The following RAI1 variants were observed in gnomAD, a reference collection of about 807,000 sequenced individuals.
RAI1 encodes retinoic acid induced 1.
A neutral mutation model predicts 123.8 loss-of-function variants in RAI1; 9 were observed. The observed-to-expected ratio is 0.07, with a 90% CI of 0.04 to 0.13. The LOEUF (loss-of-function observed/expected upper bound fraction) is 0.13, where lower values mean the gene tolerates loss of function less well. Among genes scored for constraint, RAI1 ranks in the 10% least tolerant of loss-of-function variants. The probability of loss-of-function intolerance (pLI) is 1.00; values close to 1 mark genes in which losing one functional copy is unlikely to be tolerated. For missense variants in RAI1, 2,256 were observed against 2,545.8 expected, an observed-to-expected ratio of 0.89 and a Z score of 2.45; for synonymous variants, 1,231 against 1,127.3, an observed-to-expected ratio of 1.09 and a Z score of -1.84.
In RAI1 at chr17:17,795,880, A is replaced by G. The variant is rs1438551897; in HGVS notation, c.2932A>G (p.Lys978Glu). 1.9e-6 allele frequency: 3 copies of G among 1,612,404 alleles called. No homozygotes were observed. The highest frequency in any genetic ancestry group is 1.1e-5 in the South Asian group (1 of 91,090). ...CGCCTCTCTGGCCCAGAAGCCCAACAAGCCTGCTGTGCCCGAGGCGCCCAT... is the reference window on the plus strand; with the variant it reads ...CGCCTCTCTGGCCCAGAAGCCCAACGAGCCTGCTGTGCCCGAGGCGCCCAT... ...SDASLAQKPN[K>E]PAVPEAPIAK... Residue 978 changes from lysine (K) to glutamate (E), a missense_variant, in exon 3 of 6, where the codon AAG becomes GAG. By Grantham distance (56) the Lys-to-Glu change is moderately conservative. This residue lies in a region of RAI1 where 566 missense variants were observed against 616.0 expected (regional missense o/e 0.92). Transcript: ENST00000353383. This position sits in a 1 kb window ranked among gnomAD's most constrained non-coding sequence, Gnocchi z 5.9.
At chr17:17,756,743 G>C (rs2030453011) in intron 2 of RAI1, among the ~76,000 whole-genome samples, 1 of 152,228 alleles carries the variant, frequency 6.6e-6, no homozygotes, top group Admixed American at 6.5e-5. Context: ...TAGTGAAGCA[G>C]ACGCTTGAGT....
At chr17:17,688,727 G>A in intron 1 of RAI1, among the ~76,000 whole-genome samples, 1 of 151,706 alleles carries the variant, frequency 6.6e-6, no homozygotes. Flanking sequence ...AGCCTCCCGA[G>A]TAGCTGGGAC....
Position 17,809,234 on chromosome 17 carries a change from G to T in RAI1, c.5660-156G>T. On this transcript the variant is annotated intron_variant, in intron 4 of 5. Transcript: ENST00000353383. This position sits in a 1 kb window ranked among gnomAD's most constrained non-coding sequence, Gnocchi z 4.9. The stretch of plus-strand genomic sequence containing the variant: ...GCGCCGTGGAGTGGAGTGGAGTGTG[G>T]AGGGTTTTGTGCAGAATCTGATTAA... The T allele has an allele frequency of 1.3e-6, 1 of 763,976 alleles. No individual in the cohort carries two copies. Among genetic ancestry groups the T allele is most frequent in the South Asian group, 1.4e-5 (1 of 71,588 alleles). The allele number at this position is 763,976 out of a possible 1,614,324, so 47.3% of individuals were successfully genotyped here. A position where few individuals can be genotyped will look rare whatever the true frequency, so the allele number is the denominator to read the frequency against.
intron 2 of RAI1, among the ~76,000 whole-genome samples, chr17:17,759,644 T>C (rs2030602539): frequency 6.6e-6 from 1 of 152,192 alleles, no homozygotes. Context: ...TCTGCACATA[T>C]TTCGGGGTGA....
In RAI1 at chr17:17,809,556, C is replaced by A; in HGVS notation, c.5709+117C>A. ...GGCTGCGCAGCCCCGCAGGGCCCAG[C>A]CCTAGGGGAGGGAGCTCTCCCCGCC... On this transcript the variant is annotated intron_variant, in intron 5 of 5. Transcript: ENST00000353383. This position sits in a 1 kb window ranked among gnomAD's most constrained non-coding sequence, Gnocchi z 4.9. 8.5e-7 allele frequency: 1 copy of A among 1,176,646 alleles called. No individual in the cohort carries two copies. Among genetic ancestry groups the A allele is most frequent in the Non-Finnish European group, 1.2e-6 (1 of 802,712 alleles). 72.9% of individuals were successfully genotyped at this position (1,176,646 alleles called of 1,614,324 possible).
At chr17:17,687,327 TG>T (rs1387598141) in intron 1 of RAI1, among the ~76,000 whole-genome samples, 1 of 152,162 alleles carries the variant, frequency 6.6e-6, no homozygotes, top group Non-Finnish European at 1.5e-5. Flanking sequence ...CTTTCCTCTC[TG>T]GCCTCGGTCT....
intron 4 of RAI1, among the ~76,000 whole-genome samples, chr17:17,808,473 G>T (rs1202344912): frequency 7.2e-6 from 1 of 138,714 alleles, no homozygotes; most frequent in African/African-American, 3.0e-5. Context: ...TCTCAGACAG[G>T]GCCTGGCTGT....
Position 17,800,503 on chromosome 17 carries a change from G to A in RAI1, c.5565+1990G>A, listed in dbSNP as rs1007631311. 1.3e-5 allele frequency among the ~76,000 whole-genome samples: 2 copies of A among 152,132 alleles called. No individual in the cohort carries two copies. Among genetic ancestry groups the A allele is most frequent in the Non-Finnish European group, 2.9e-5 (2 of 68,022 alleles). ...GGAGGAGGGGTCAGCCCCGAGCACCGACCACCCCATCCTGTCCCTGGCCCA... is the reference window on the plus strand; with the variant it reads ...GGAGGAGGGGTCAGCCCCGAGCACCAACCACCCCATCCTGTCCCTGGCCCA... On this transcript the variant is annotated intron_variant, in intron 3 of 5. Coordinates refer to ENST00000353383, the MANE Select transcript of RAI1 (RefSeq NM_030665.4). This position sits in a 1 kb window ranked among gnomAD's most constrained non-coding sequence, Gnocchi z 4.7.
rs1319802003 is a variant in RAI1 at position 17,756,496 on chromosome 17, T to C, written c.-17+32337T>C. ...ACAGGTGTGAGCACTGCACCTGGCA[T>C]GAATGAATTTTTTTATTTTTGGAAA... On this transcript the variant is annotated intron_variant, in intron 2 of 5. Coordinates refer to ENST00000353383, the MANE Select transcript of RAI1 (RefSeq NM_030665.4). Among the ~76,000 whole-genome samples the C allele has an allele frequency of 3.9e-5, 6 of 152,314 alleles. No homozygotes were observed. The South Asian group carries it at 6.2e-4, about 16-fold the overall frequency.
At chr17:17,728,742 C>G (rs150879760) in intron 2 of RAI1, among the ~76,000 whole-genome samples, 1 of 152,212 alleles carries the variant, frequency 6.6e-6, no homozygotes, top group Non-Finnish European at 1.5e-5. Flanking sequence ...TGCAAGTCAG[C>G]GCTTGTGGTT....
intron 2 of RAI1, among the ~76,000 whole-genome samples, chr17:17,760,016 A>C (rs1416691025): frequency 6.6e-6 from 1 of 152,172 alleles, no homozygotes; most frequent in Admixed American, 6.5e-5. Context: ...CAGAAGGGAA[A>C]TAAATGCATA....
chr17:17,743,323 G>T (rs1217713952), intron 2 of RAI1, among the ~76,000 whole-genome samples: 1 of 152,188 alleles, frequency 6.6e-6, no homozygotes, highest in Non-Finnish European at 1.5e-5. Flanking sequence ...ACTCACCATG[G>T]GTAGGCACTT....
chr17:17,715,725 C>T (rs1915691084), intron 1 of RAI1, among the ~76,000 whole-genome samples: 2 of 152,184 alleles, frequency 1.3e-5, no homozygotes, highest in Admixed American at 1.3e-4. Flanking sequence ...TCAGATGCCC[C>T]CCGGAAAGGG....
chr17:17,710,177 C>G (rs1159254221), intron 1 of RAI1, among the ~76,000 whole-genome samples: 1 of 152,194 alleles, frequency 6.6e-6, no homozygotes, highest in Non-Finnish European at 1.5e-5. Context: ...GTGGCAGCAG[C>G]GGAGGTGACT....
intron 2 of RAI1, among the ~76,000 whole-genome samples, chr17:17,785,452 C>T (rs952661303): frequency 2.6e-5 from 4 of 152,244 alleles, no homozygotes; most frequent in African/African-American, 9.6e-5. Context: ...GAGGAAGTCT[C>T]TGCCCTCCTC....
chr17:17,738,978 T>C (rs528991316), intron 2 of RAI1, among the ~76,000 whole-genome samples: 2 of 152,216 alleles, frequency 1.3e-5, no homozygotes, highest in African/African-American at 4.8e-5. Context: ...GTCATCAGTG[T>C]TATTTCTGAG....
chr17:17,713,521 G>T (rs1477802506), intron 1 of RAI1, among the ~76,000 whole-genome samples: 2 of 152,084 alleles, frequency 1.3e-5, no homozygotes, highest in African/African-American at 4.8e-5. Context: ...CACGCCTGTA[G>T]TCCCAGCTAC....
intron 1 of RAI1, among the ~76,000 whole-genome samples, chr17:17,682,885 G>A (rs1295520428): frequency 6.6e-6 from 1 of 152,232 alleles, no homozygotes; most frequent in African/African-American, 2.4e-5. Context: ...GAATGGATGG[G>A]AGCGAGTGTA....
chr17:17,764,644 T>C (rs1437430594), intron 2 of RAI1, among the ~76,000 whole-genome samples: 2 of 152,160 alleles, frequency 1.3e-5, no homozygotes, highest in East Asian at 1.9e-4. Flanking sequence ...AACTAATTTT[T>C]GTATTTTTAG....
Sources: allele counts gnomAD v4.1 joint callset (sites outside exome capture counted in the v4.1 genomes callset), GRCh38; gene constraint gnomAD v4.1.1; regional missense constraint gnomAD v4.1.1; non-coding constraint Gnocchi (gnomAD v3.1); transcripts MANE v1.5; gene names NCBI Gene and HGNC (gene_info 2026-07-23, HGNC 2026-07-21).